The following SREBF2 variants were observed in gnomAD, a reference collection of about 807,000 sequenced individuals.
SREBF2 encodes the protein sterol regulatory element binding transcription factor 2.
In SREBF2, 55 loss-of-function variants were observed where a neutral mutation model predicts 113.1. The observed-to-expected ratio is 0.49, with a 90% CI of 0.39 to 0.61. The LOEUF is 0.61. Ranked by LOEUF, SREBF2 falls within the 20% of genes least tolerant of loss-of-function variation. The probability of loss-of-function intolerance (pLI) is 0.00; values close to 1 mark genes in which losing one functional copy is unlikely to be tolerated. For missense variants in SREBF2, 1,349 were observed against 1,487.4 expected, an observed-to-expected ratio of 0.91 and a Z score of 1.53; for synonymous variants, 593 against 605.7, an observed-to-expected ratio of 0.98 and a Z score of 0.31.
chr22:41,883,222 T>G (rs1326685388), intron 10 of SREBF2, among the ~76,000 whole-genome samples: 1 of 152,128 alleles, frequency 6.6e-6, no homozygotes, highest in Non-Finnish European at 1.5e-5. Flanking sequence ...AGATTGTTGC[T>G]GGGACACCCA....
intron 10 of SREBF2, among the ~76,000 whole-genome samples, chr22:41,882,730 CAGG>C (rs2077260119): frequency 6.6e-6 from 1 of 152,164 alleles, no homozygotes; most frequent in Non-Finnish European, 1.5e-5. Context: ...CACTTGAACC[CAGG>C]AGGTGGAGGT....
intron 14 of SREBF2, among the ~76,000 whole-genome samples, chr22:41,897,950 T>C (rs752918586): frequency 3.7e-4 from 57 of 152,344 alleles, no homozygotes; most frequent in Non-Finnish European, 5.0e-4. Context: ...TCCAGATACT[T>C]TGAAGATACC....
chr22:41,875,685 T>C lies in SREBF2; in HGVS notation c.1347T>C (p.Ile449=). ...GSQAGFSPYS[I]DSEPGSPLLD... ...AGGCTGGCTTCTCTCCCTACTCCAT[T>C]GACTCTGAGCCAGGAAGCCCTCTAT... Residue 449 remains isoleucine (I), a synonymous_variant, in exon 7 of 19, where the codon ATT becomes ATC. Transcript: ENST00000361204. The C allele has an allele frequency of 6.2e-7, 1 of 1,614,152 alleles. No homozygotes were observed. Among genetic ancestry groups the C allele is most frequent in the Non-Finnish European group, 8.5e-7 (1 of 1,180,006 alleles).
At chr22:41,902,949 C>T (rs761582554) in intron 16 of SREBF2, 21 bp from the exon 17 acceptor site, 2 of 1,603,926 alleles carry the variant, frequency 1.2e-6, no homozygotes, top group Non-Finnish European at 1.7e-6. Context: ...TGTCTCCCCT[C>T]TCTCGTGGCT....
Position 41,897,148 on chromosome 22 carries a change from C to T in SREBF2, c.2592C>T (p.Leu864=). 18 of 1,611,034 alleles carry T rather than the reference C, an allele frequency of 1.1e-5. No homozygotes were observed. Among genetic ancestry groups the T allele is most frequent in the Non-Finnish European group, 1.4e-5 (17 of 1,179,338 alleles). ...CCCCACTCTCCAGGAGCTCCGTGCT[C>T]AAGTCCGCCCTGGGTAAGCACCTGC... ...MSPPLSRSSV[L]KSALGPDIIC... Residue 864 remains leucine, a synonymous_variant, in exon 14 of 19, where the codon CTC becomes CTT. Transcript: ENST00000361204.
intron 11 of SREBF2, among the ~76,000 whole-genome samples, chr22:41,891,746 G>A (rs760778463): frequency 1.3e-5 from 2 of 152,178 alleles, no homozygotes; most frequent in African/African-American, 2.4e-5. Context: ...CCGCCCCTGG[G>A]CTCCCTGGGC....
intron 14 of SREBF2, among the ~76,000 whole-genome samples, chr22:41,898,145 T>A (rs534778210): frequency 6.6e-6 from 1 of 152,126 alleles, no homozygotes; most frequent in Non-Finnish European, 1.5e-5. Context: ...AGTCTTACTC[T>A]TGTTGCCCAG....
chr22:41,894,877 T>C lies in SREBF2; in HGVS notation c.2435T>C (p.Ile812Thr). 1.2e-6 allele frequency: 2 copies of C among 1,614,108 alleles called. No individual in the cohort carries two copies. Among genetic ancestry groups the C allele is most frequent in the Non-Finnish European group, 1.7e-6 (2 of 1,180,040 alleles). Residue 812 changes from isoleucine (I) to threonine (T), a missense_variant, in exon 13 of 19, where the codon ATA (isoleucine) becomes ACA (threonine). Ile to Thr is a moderately conservative substitution (Grantham distance 89). Around this residue, in one of 2 missense-constraint regions of SREBF2, gnomAD observed 650 missense variants for 644.1 expected, o/e 1.01. Coordinates refer to ENST00000361204, the MANE Select transcript of SREBF2 (RefSeq NM_004599.4). ...AFCKNLLERA[I>T]ESLVKPQAKK... ...TGCAAGAACCTGCTGGAGCGAGCTA[T>C]AGAGTCCTTGGTGAAACCTCAGGCC...
At chr22:41,902,932 A>AC (rs2077476802) in intron 16 of SREBF2, 38 bp from the exon 17 acceptor site, 3 of 1,588,474 alleles carry the variant, frequency 1.9e-6, no homozygotes, top group Admixed American at 3.5e-5. Context: ...GGGATGGGCC[A>AC]GTCACCTGTC....
At chr22:41,900,049 A>G in intron 15 of SREBF2, 1 of 1,362,130 alleles carries the variant, frequency 7.3e-7, no homozygotes, top group Non-Finnish European at 9.5e-7. Flanking sequence ...CGTTGGAATG[A>G]CTATCTTGGG....
chr22:41,893,401 C>CTTTTT, intron 12 of SREBF2, 116 bp downstream of exon 12: 1 of 1,131,930 alleles, frequency 8.8e-7, no homozygotes, highest in Non-Finnish European at 1.3e-6. Context: ...TTGTTGAGTC[C>CTTTTT]GTTTGTTTGT....
At chr22:41,875,118 G>A (rs897666834) in intron 5 of SREBF2, among the ~76,000 whole-genome samples, 3 of 152,164 alleles carry the variant, frequency 2.0e-5, no homozygotes, top group South Asian at 2.1e-4. Flanking sequence ...TGTGATTCAC[G>A]CGCTTTCATT....
At chr22:41,845,588 T>C (rs1219292326) in intron 1 of SREBF2, among the ~76,000 whole-genome samples, 1 of 152,148 alleles carries the variant, frequency 6.6e-6, no homozygotes, top group Non-Finnish European at 1.5e-5. Flanking sequence ...TCATAATACA[T>C]GGGAAAATAC....
chr22:41,844,574 C>T (rs143933470), intron 1 of SREBF2, among the ~76,000 whole-genome samples: 9 of 152,238 alleles, frequency 5.9e-5, no homozygotes, highest in South Asian at 2.1e-4. Context: ...CCTAAACTAT[C>T]GAAGGGCTTG....
At chr22:41,897,988 T>C (rs552422659) in intron 14 of SREBF2, among the ~76,000 whole-genome samples, 3 of 152,228 alleles carry the variant, frequency 2.0e-5, no homozygotes, top group Non-Finnish European at 2.9e-5. Flanking sequence ...AAAGCTTAGG[T>C]TGTATCCATC....
intron 13 of SREBF2, among the ~76,000 whole-genome samples, chr22:41,896,641 G>A (rs758163939): frequency 6.6e-6 from 1 of 152,196 alleles, no homozygotes; most frequent in Non-Finnish European, 1.5e-5. Flanking sequence ...TTACAGGCGT[G>A]AGCCACCGTG....
chr22:41,861,310 C>T (rs572648217), intron 1 of SREBF2, among the ~76,000 whole-genome samples: 6 of 151,846 alleles, frequency 4.0e-5, no homozygotes, highest in Admixed American at 1.3e-4. Flanking sequence ...GGTGAAACCC[C>T]CTCTCTACTA....
chr22:41,833,510 TC>T lies in SREBF2; in HGVS notation c.88+154del. 1.8e-6 allele frequency: 1 copy of T among 563,426 alleles called. No homozygotes were observed. The highest frequency in any genetic ancestry group is 2.9e-6 in the Non-Finnish European group (1 of 344,674). The allele number at this position is 563,426 out of a possible 1,614,324, so 34.9% of individuals were successfully genotyped here. A position where few individuals can be genotyped will look rare whatever the true frequency, so the allele number is the denominator to read the frequency against. Reference sequence around the variant, plus strand: ...GGTGCCCCCGGCGGTCCTCAACCCTTCCGGCGCTGCGAGCGTGAGCCCGACC... The same window carrying T: ...GGTGCCCCCGGCGGTCCTCAACCCTTCGGCGCTGCGAGCGTGAGCCCGACC... On this transcript the variant is annotated intron_variant, in intron 1 of 18. Transcript: ENST00000361204. The surrounding 1 kb of genome is among the most constrained non-coding windows in gnomAD (Gnocchi z 4.1).
At chr22:41,865,482 G>C (rs145106629) in intron 1 of SREBF2, among the ~76,000 whole-genome samples, 2 of 152,186 alleles carry the variant, frequency 1.3e-5, no homozygotes, top group Non-Finnish European at 2.9e-5. Context: ...GAAGGGAGTC[G>C]TGAGAGATGA....
Sources: gnomAD v4.1 joint callset for allele counts (sites outside exome capture counted in the v4.1 genomes callset) on GRCh38, gnomAD v4.1.1 for gene constraint, gnomAD v4.1.1 regional missense constraint, Gnocchi (gnomAD v3.1) non-coding constraint, MANE v1.5 for transcripts, NCBI Gene and HGNC (gene_info 2026-07-23, HGNC 2026-07-21) for gene names.